EEIG2: variants seen among roughly 807,000 people sequenced by gnomAD.
EEIG2 encodes EEIG family member 2.
the EEIG2 span, among the ~76,000 whole-genome samples, chr1:108,597,302 C>T: frequency 2.7e-4 from 41 of 152,278 alleles, no homozygotes; most frequent in South Asian, 8.3e-3. Flanking sequence ...CTGGTTCTGG[C>T]ATTGTGAGAA....
At chr1:108,583,627 C>T in the EEIG2 span, among the ~76,000 whole-genome samples, 1 of 151,924 alleles carries the variant, frequency 6.6e-6, no homozygotes, top group Non-Finnish European at 1.5e-5. Flanking sequence ...ATTGCTAATT[C>T]TGTGCTGTTA....
chr1:108,620,977 G>C, the EEIG2 span, among the ~76,000 whole-genome samples: 1 of 152,292 alleles, frequency 6.6e-6, no homozygotes, highest in African/African-American at 2.4e-5. Context: ...GGGACACTGA[G>C]CTAAGTTTAG....
At chr1:108,567,663 C>G in the EEIG2 span, among the ~76,000 whole-genome samples, 1 of 152,182 alleles carries the variant, frequency 6.6e-6, no homozygotes, top group Admixed American at 6.5e-5. Context: ...AGACCTGGCC[C>G]CTTTAGATTT....
At chr1:108,572,036 C>CT in the EEIG2 span, among the ~76,000 whole-genome samples, 1 of 152,182 alleles carries the variant, frequency 6.6e-6, no homozygotes, top group Non-Finnish European at 1.5e-5. Flanking sequence ...ATCCTGCACT[C>CT]TGACTGCTGC....
chr1:108,635,167 AACAT>A, the EEIG2 span: 42 of 1,614,132 alleles, frequency 2.6e-5, no homozygotes, highest in Non-Finnish European at 3.3e-5. Flanking sequence ...AGTCGGTGAA[AACAT>A]TTCCTTGTGG....
chr1:108,582,063 A>G, the EEIG2 span, among the ~76,000 whole-genome samples: 2 of 152,188 alleles, frequency 1.3e-5, no homozygotes, highest in Non-Finnish European at 2.9e-5. Context: ...AAGGTTTGCT[A>G]CCAACAAAAA....
the EEIG2 span, among the ~76,000 whole-genome samples, chr1:108,629,405 A>G: frequency 2.4e-4 from 37 of 152,346 alleles, no homozygotes; most frequent in African/African-American, 8.9e-4. Context: ...AGAAACATTG[A>G]AGAGAAATAA....
chr1:108,560,111 AGCG>A, the EEIG2 span: 1 of 173,574 alleles, frequency 5.8e-6, no homozygotes, highest in Non-Finnish European at 1.1e-5. Context: ...GACGGGCGGC[AGCG>A]GCGGCGGAGG....
the EEIG2 span, among the ~76,000 whole-genome samples, chr1:108,578,030 G>T: frequency 1.3e-5 from 2 of 149,228 alleles, no homozygotes; most frequent in Non-Finnish European, 3.0e-5. Context: ...TTGTAAGTTG[G>T]ATTCCTAGGT....
chr1:108,594,958 C>T, the EEIG2 span, among the ~76,000 whole-genome samples: 2 of 151,976 alleles, frequency 1.3e-5, no homozygotes, highest in Non-Finnish European at 2.9e-5. Flanking sequence ...AATATTTCTG[C>T]TAATATTTCT....
the EEIG2 span, chr1:108,629,656 A>T: frequency 6.2e-7 from 1 of 1,607,034 alleles, no homozygotes; most frequent in Non-Finnish European, 8.5e-7. Flanking sequence ...TCTTCCAAAT[A>T]GGTAAGTAGT....
chr1:108,586,852 C>G, the EEIG2 span, among the ~76,000 whole-genome samples: 1 of 152,094 alleles, frequency 6.6e-6, no homozygotes. Flanking sequence ...TTTCCCACAC[C>G]TTTTTAGAAT....
At chr1:108,624,686 C>A in the EEIG2 span, 1 of 1,614,062 alleles carries the variant, frequency 6.2e-7, no homozygotes. Context: ...GCTGGTGAAT[C>A]TGAATCTTTG....
the EEIG2 span, chr1:108,626,171 C>T: frequency 1.3e-5 from 2 of 152,188 alleles, no homozygotes; most frequent in Admixed American, 6.5e-5. Context: ...CCCCTCACTT[C>T]CTTGAGCAAT....
chr1:108,579,768 T>TGAGAGAGA, the EEIG2 span, among the ~76,000 whole-genome samples: 185 of 14,360 alleles, frequency 0.013, no homozygotes, highest in Non-Finnish European at 0.023. Flanking sequence ...TGTGTGTGTG[T>TGAGAGAGA]GTGTGAGAGA....
At chr1:108,616,124 C>CTTTTTTT in the EEIG2 span, among the ~76,000 whole-genome samples, 2 of 129,802 alleles carry the variant, frequency 1.5e-5, no homozygotes, top group South Asian at 2.5e-4. Context: ...CCCACTTCTT[C>CTTTTTTT]TTTTTTTTTT....
the EEIG2 span, chr1:108,636,090 G>C: frequency 6.6e-6 from 1 of 152,224 alleles, no homozygotes; most frequent in Non-Finnish European, 1.5e-5. Flanking sequence ...CATGACAGCT[G>C]CTTGCCATGA....
chr1:108,570,688 C>T, the EEIG2 span, among the ~76,000 whole-genome samples: 1 of 152,056 alleles, frequency 6.6e-6, no homozygotes, highest in East Asian at 1.9e-4. Flanking sequence ...GGATAGGAGG[C>T]AGTGGGTAGT....
At chr1:108,595,144 G>A in the EEIG2 span, among the ~76,000 whole-genome samples, 1 of 152,068 alleles carries the variant, frequency 6.6e-6, no homozygotes, top group Non-Finnish European at 1.5e-5. Context: ...TTATATATTA[G>A]TATTGCCAAG....
Sources: gnomAD v4.1 joint callset for allele counts (sites outside exome capture counted in the v4.1 genomes callset) on GRCh38, gnomAD v4.1.1 for gene constraint, MANE v1.5 for transcripts, NCBI Gene and HGNC (gene_info 2026-07-23, HGNC 2026-07-21) for gene names.